Variants in RAPGEF5 observed in about 807,000 individuals in gnomAD.
The protein encoded by RAPGEF5 is M-Ras-regulated GEF.
In RAPGEF5, 65 loss-of-function variants were observed where a neutral mutation model predicts 125.2. The observed-to-expected ratio is 0.52, with a 90% CI of 0.43 to 0.64. The LOEUF is 0.64. Ranked by LOEUF, RAPGEF5 falls within the 30% of genes least tolerant of loss-of-function variation. The pLI is 0.00. For synonymous variants in RAPGEF5, 391 were observed against 385.9 expected (o/e 1.01, Z -0.16); for missense variants, 958 against 1,048.1 (o/e 0.91, Z 1.19).
At chr7:22,165,319 T>C (rs1413568067) in intron 12 of RAPGEF5, among the ~76,000 whole-genome samples, 1 of 152,170 alleles carries the variant, frequency 6.6e-6, no homozygotes, top group Non-Finnish European at 1.5e-5. Context: ...AGTTAAAGAA[T>C]GTAGTTTAAA....
chr7:22,207,638 T>TAAATTCCA (rs1166086623), intron 9 of RAPGEF5, among the ~76,000 whole-genome samples: 2 of 152,248 alleles, frequency 1.3e-5, no homozygotes, highest in Non-Finnish European at 2.9e-5. Flanking sequence ...GCAAGTTGCT[T>TAAATTCCA]GCTACTTTAC....
chr7:22,193,538 C>T (rs1410686759), intron 10 of RAPGEF5, 83 bp from the exon 11 acceptor site: 4 of 1,552,094 alleles, frequency 2.6e-6, no homozygotes, highest in Non-Finnish European at 3.5e-6. Flanking sequence ...TCATCCTCCT[C>T]GTCGATGTAT....
chr7:22,154,677 C>CG, intron 16 of RAPGEF5, 73 bp from the exon 17 acceptor site: 58 of 1,512,840 alleles, frequency 3.8e-5, no homozygotes, highest in Middle Eastern at 2.3e-4. Context: ...CAAATCAAGG[C>CG]ACCTTGATCA....
chr7:22,162,876 A>C (rs1784051076), intron 12 of RAPGEF5: 3 of 473,030 alleles, frequency 6.3e-6, no homozygotes, highest in Non-Finnish European at 8.4e-6. Flanking sequence ...CTAAGAAGAG[A>C]GCTAGCCTCA....
At chr7:22,160,006 G>A (rs1403833430) in intron 14 of RAPGEF5, among the ~76,000 whole-genome samples, 1 of 152,132 alleles carries the variant, frequency 6.6e-6, no homozygotes, top group Non-Finnish European at 1.5e-5. Context: ...ATACTTAGGA[G>A]GCTGAGGCAC....
intron 11 of RAPGEF5, chr7:22,191,303 GA>G (rs905000789): frequency 4.9e-6 from 1 of 205,722 alleles, no homozygotes; most frequent in Non-Finnish European, 1.0e-5. Context: ...TGCCGTTCTT[GA>G]AGTTTGGAAG....
intron 2 of RAPGEF5, 64 bp from the exon 3 acceptor site, chr7:22,315,540 T>G: frequency 1.2e-6 from 1 of 842,906 alleles, no homozygotes; most frequent in Non-Finnish European, 1.5e-6. Flanking sequence ...GAACTACCAA[T>G]AGCATACTAT....
chr7:22,305,363 T>C (rs148172265), intron 5 of RAPGEF5, among the ~76,000 whole-genome samples: 115 of 152,312 alleles, frequency 7.6e-4, no homozygotes, highest in African/African-American at 2.6e-3. Flanking sequence ...CAGTCCATAT[T>C]AACTATTCAG....
intron 9 of RAPGEF5, among the ~76,000 whole-genome samples, chr7:22,197,895 G>GA (rs1554327477): frequency 2.3e-5 from 3 of 129,434 alleles, no homozygotes; most frequent in Non-Finnish European, 3.4e-5. Context: ...TTTTTTTTTG[G>GA]GGGGGGGTGG....
At chr7:22,173,283 A>T (rs1784404378) in intron 11 of RAPGEF5, among the ~76,000 whole-genome samples, 1 of 152,234 alleles carries the variant, frequency 6.6e-6, no homozygotes, top group Admixed American at 6.5e-5. Flanking sequence ...CATTAAAAGC[A>T]ATGCTTCTTT....
chr7:22,157,051 G>T (rs964231586), intron 15 of RAPGEF5, among the ~76,000 whole-genome samples, 163 bp from the exon 16 acceptor site: 1 of 152,146 alleles, frequency 6.6e-6, no homozygotes, highest in Non-Finnish European at 1.5e-5. Context: ...CTCAACTAAT[G>T]CAAGTGGTGG....
At chr7:22,293,698 C>T (rs1426945927) in intron 5 of RAPGEF5, among the ~76,000 whole-genome samples, 4 of 152,168 alleles carry the variant, frequency 2.6e-5, no homozygotes, top group South Asian at 2.1e-4. Context: ...CCCCATGCCC[C>T]GCTGCACCAG....
intron 13 of RAPGEF5, among the ~76,000 whole-genome samples, chr7:22,161,778 A>G (rs1784008986): frequency 6.6e-6 from 1 of 151,992 alleles, no homozygotes; most frequent in Non-Finnish European, 1.5e-5. Flanking sequence ...CTGAACTAGA[A>G]CTCTTCCTTG....
chr7:22,162,521 T>C lies in RAPGEF5; in HGVS notation c.1304A>G (p.Gln435Arg), dbSNP rs937658360. 1.2e-6 allele frequency: 2 copies of C among 1,609,688 alleles called. No individual in the cohort carries two copies. Among genetic ancestry groups the C allele is most frequent in the Non-Finnish European group, 1.7e-6 (2 of 1,176,378 alleles). Residue 435 changes from glutamine (Q) to arginine (R), a missense_variant, in exon 13 of 26, where the codon CAA (glutamine) becomes CGA (arginine). Coordinates refer to ENST00000665637, the MANE Select transcript of RAPGEF5 (RefSeq NM_012294.5). ...AACGTCTGAGTTTTCCTCTTTGCCTTGATACTTCTTAGCAGAATAGGTGCA... is the reference window on the plus strand; with the variant it reads ...AACGTCTGAGTTTTCCTCTTTGCCTCGATACTTCTTAGCAGAATAGGTGCA... ...LLRHYSAKKY[Q>R]GKEENSDVPR...
chr7:22,146,910 T>C lies in RAPGEF5; in HGVS notation c.1994A>G (p.Asn665Ser), dbSNP rs547999105. The change falls in exon 19 of 26, where the codon AAT becomes AGT. Residue 665 changes from asparagine to serine, a missense_variant. By Grantham distance (46) the Asn-to-Ser change is conservative (BLOSUM62 1). Transcript: ENST00000665637. Reference protein sequence around the residue: ...ELMNFDWSLFNSIHEQELIYF... With the variant: ...ELMNFDWSLFSSIHEQELIYF... ...CTCCTCATTTACCTCGTGAATTGAA[T>C]TGAATAGACTCCAATCAAAATTCAT... The C allele has an allele frequency of 1.0e-4, 163 of 1,612,008 alleles. 1 individual carries two copies. In the Admixed American group the frequency reaches 1.0e-3, roughly 10 times the overall value.
At chr7:22,199,119 A>G (rs1353282283) in intron 9 of RAPGEF5, among the ~76,000 whole-genome samples, 2 of 152,218 alleles carry the variant, frequency 1.3e-5, no homozygotes, top group Non-Finnish European at 2.9e-5. Flanking sequence ...GCCGGTTTTT[A>G]GTTCTGGATG....
At chr7:22,320,491 T>C (rs1466641195) in intron 1 of RAPGEF5, among the ~76,000 whole-genome samples, 1 of 152,210 alleles carries the variant, frequency 6.6e-6, no homozygotes. Context: ...ATGGGCCATC[T>C]TATTGCTGCT....
At chr7:22,345,578 T>G (rs1454812473) in intron 1 of RAPGEF5, among the ~76,000 whole-genome samples, 1 of 152,114 alleles carries the variant, frequency 6.6e-6, no homozygotes, top group Non-Finnish European at 1.5e-5. Context: ...TGAAAGCGCT[T>G]TGTGAAGGTA....
chr7:22,260,469 A>G (rs1416487184), intron 7 of RAPGEF5, among the ~76,000 whole-genome samples: 1 of 152,026 alleles, frequency 6.6e-6, no homozygotes, highest in African/African-American at 2.4e-5. Context: ...ATCAAAAAAA[A>G]AGAGAAATTT....
Sources: allele counts gnomAD v4.1 joint callset (sites outside exome capture counted in the v4.1 genomes callset), GRCh38; gene constraint gnomAD v4.1.1; transcripts MANE v1.5; gene names NCBI Gene and HGNC (gene_info 2026-07-23, HGNC 2026-07-21).